DGKD: variants seen among roughly 807,000 people sequenced by gnomAD.
DGKD encodes the protein diacylglycerol kinase delta.
Under a neutral mutation model 154.4 loss-of-function variants are expected in DGKD, and 68 were observed. That is an observed-to-expected ratio of 0.44 (90% confidence interval 0.36 to 0.54). The LOEUF (loss-of-function observed/expected upper bound fraction) is 0.54, where lower values mean the gene tolerates loss of function less well. Among genes scored for constraint, DGKD ranks in the 20% least tolerant of loss-of-function variants. The pLI, the probability that DGKD is intolerant of heterozygous loss-of-function variation, is 0.00. For synonymous variants in DGKD, 693 were observed against 638.0 expected, an observed-to-expected ratio of 1.09 and a Z score of -1.30; for missense variants, 1,343 against 1,593.6, an observed-to-expected ratio of 0.84 and a Z score of 2.68.
intron 3 of DGKD, among the ~76,000 whole-genome samples, chr2:233,416,405 T>C (rs543249425): frequency 6.6e-6 from 1 of 152,318 alleles, no homozygotes; most frequent in South Asian, 2.1e-4. Flanking sequence ...GTGATTGTTC[T>C]GCCTTGGCCA....
chr2:233,401,311 C>T (rs1248706015), intron 3 of DGKD, among the ~76,000 whole-genome samples: 3 of 152,154 alleles, frequency 2.0e-5, no homozygotes, highest in Non-Finnish European at 4.4e-5. Context: ...ACTGATTATT[C>T]AGTGAATGAA....
At chr2:233,367,892 C>T (rs1391286500) in intron 1 of DGKD, among the ~76,000 whole-genome samples, 4 of 138,056 alleles carry the variant, frequency 2.9e-5, no homozygotes, top group Admixed American at 7.6e-5. Context: ...GATCTCCCTA[C>T]GTTAAGCCAG....
rs776362593 is a variant in DGKD, at chr2:233,462,337, T to C, written c.2982-11T>C. ...GGCCTGACATCTGCCCGTGCTTCTCTTCCTCTCTAGTATCCGAGAAATAGC... is the reference window on the plus strand; with the variant it reads ...GGCCTGACATCTGCCCGTGCTTCTCCTCCTCTCTAGTATCCGAGAAATAGC... On this transcript the variant is annotated splice_polypyrimidine_tract_variant and intron_variant, in intron 24 of 29. Transcript: ENST00000264057. 5.0e-6 allele frequency: 8 copies of C among 1,591,108 alleles called. No homozygotes were observed. In the Admixed American group the frequency reaches 1.3e-4, roughly 27 times the overall value.
rs372025702 is a variant in DGKD at position 233,449,073 on chromosome 2, C to G, written c.1615-30C>G. The G allele has an allele frequency of 1.8e-5, 28 of 1,563,546 alleles. No homozygotes were observed. The highest frequency in any genetic ancestry group is 6.7e-5 in the African/African-American group (5 of 74,088). On this transcript the variant is annotated intron_variant, in intron 14 of 29. Coordinates refer to ENST00000264057, the MANE Select transcript of DGKD (RefSeq NM_152879.3). The surrounding 1 kb of genome is among the most constrained non-coding windows in gnomAD (Gnocchi z 5.3). ...TGCAGACCCTGTTCTCCTGCCTCAG[C>G]TCTGCATGCCATTTCCTTTCCTTGT...
intron 6 of DGKD, 41 bp from the exon 7 acceptor site, chr2:233,436,275 C>A (rs761031636): frequency 6.2e-7 from 1 of 1,612,596 alleles, no homozygotes; most frequent in African/African-American, 1.3e-5. Flanking sequence ...GGACGTGGAA[C>A]CTTGGGAGCG....
intron 24 of DGKD, among the ~76,000 whole-genome samples, chr2:233,461,888 A>G (rs748917433): frequency 1.3e-5 from 2 of 152,206 alleles, no homozygotes; most frequent in Non-Finnish European, 2.9e-5. Flanking sequence ...GAGGGCTGCT[A>G]TCTGGGGTCT....
At chr2:233,370,423 C>T (rs993529121) in intron 1 of DGKD, among the ~76,000 whole-genome samples, 5 of 151,712 alleles carry the variant, frequency 3.3e-5, no homozygotes, top group Non-Finnish European at 2.9e-5. Context: ...CATGTTGTGG[C>T]CAGGCTGGTC....
In DGKD at chr2:233,444,087, G is replaced by T. The variant is rs1243038994; in HGVS notation, c.1195-1536G>T. On this transcript the variant is annotated intron_variant, in intron 10 of 29. Coordinates refer to ENST00000264057, the MANE Select transcript of DGKD (RefSeq NM_152879.3). ...TTCTGCTGTCGTCTCTCTCCTGGGG[G>T]CGCCTCAATTGATAGCTGAGCCTTG... is the stretch of plus-strand genomic sequence containing the variant. Among the ~76,000 whole-genome samples the T allele has an allele frequency of 2.6e-5, 4 of 152,060 alleles. No homozygotes were observed. The East Asian group carries it at 5.8e-4, about 22-fold the overall frequency.
chr2:233,356,008 C>T (rs900144164), intron 1 of DGKD, among the ~76,000 whole-genome samples: 16 of 152,206 alleles, frequency 1.1e-4, no homozygotes, highest in Non-Finnish European at 2.4e-4. Flanking sequence ...GCAGTTTCTA[C>T]ACCTAGGGAT....
intron 1 of DGKD, among the ~76,000 whole-genome samples, chr2:233,383,109 C>T (rs56405280): frequency 0.12 from 17,486 of 150,322 alleles, 1,201 homozygotes; most frequent in African/African-American, 0.18. Flanking sequence ...GGCATGATCT[C>T]GGCCCACTGC....
intron 3 of DGKD, among the ~76,000 whole-genome samples, chr2:233,395,483 T>C (rs1436044871): frequency 6.6e-6 from 1 of 152,090 alleles, no homozygotes; most frequent in Non-Finnish European, 1.5e-5. Context: ...CTTTCTTATT[T>C]TAATGGTCTC....
At chr2:233,423,283 TTGCTGGGTCATA>T (rs1289802281) in intron 3 of DGKD, among the ~76,000 whole-genome samples, 33 of 152,194 alleles carry the variant, frequency 2.2e-4, no homozygotes, top group African/African-American at 7.0e-4. Context: ...AAGAGTGTAA[TTGCTGGGTCATA>T]TGCTAGTCAC....
At chr2:233,404,177 A>T (rs938471206) in intron 3 of DGKD, among the ~76,000 whole-genome samples, 7 of 152,120 alleles carry the variant, frequency 4.6e-5, no homozygotes, top group African/African-American at 1.7e-4. Context: ...TTATCATAAG[A>T]TTCCCCATAT....
chr2:233,398,473 C>T (rs1360702862), intron 3 of DGKD, among the ~76,000 whole-genome samples: 1 of 152,000 alleles, frequency 6.6e-6, no homozygotes, highest in Non-Finnish European at 1.5e-5. Flanking sequence ...TAAAAGTTTT[C>T]TGTTTAACAA....
chr2:233,442,265 C>T, intron 10 of DGKD: 1 of 586,530 alleles, frequency 1.7e-6, no homozygotes, highest in East Asian at 3.6e-5. Flanking sequence ...AAAGGACCCA[C>T]ATGGGGAGCA....
rs1453530420 is a variant in DGKD, at chr2:233,435,837, C to T, written c.606C>T (p.His202=). ...LSCEVCKFKA[H]KRCAVRATNN... ...TCACAGTGTGCAAATTTAAGGCCCACAAGCGCTGTGCTGTGCGTGCAACCA... is the reference window on the plus strand; with the variant it reads ...TCACAGTGTGCAAATTTAAGGCCCATAAGCGCTGTGCTGTGCGTGCAACCA... Residue 202 remains histidine, a synonymous_variant, in exon 6 of 30, where the codon CAC becomes CAT. Coordinates refer to ENST00000264057, the MANE Select transcript of DGKD (RefSeq NM_152879.3). 3.7e-6 allele frequency: 6 copies of T among 1,611,766 alleles called. No individual in the cohort carries two copies. The highest frequency in any genetic ancestry group is 5.1e-6 in the Non-Finnish European group (6 of 1,178,868).
At chr2:233,456,780 A>T in intron 19 of DGKD, 119 bp from the exon 20 acceptor site, 1 of 740,762 alleles carries the variant, frequency 1.3e-6, no homozygotes, top group Non-Finnish European at 2.3e-6. Flanking sequence ...TGCTGTAAAT[A>T]ATTGCTAAAT....
chr2:233,359,557 G>A (rs545243211), intron 1 of DGKD, among the ~76,000 whole-genome samples: 1 of 151,242 alleles, frequency 6.6e-6, no homozygotes, highest in African/African-American at 2.4e-5. Context: ...TCCAGCTCAG[G>A]CTGGTCTGAG....
intron 3 of DGKD, among the ~76,000 whole-genome samples, chr2:233,417,996 T>A (rs1302342907): frequency 6.6e-6 from 1 of 152,202 alleles, no homozygotes; most frequent in Admixed American, 6.5e-5. Context: ...AACCCTGATA[T>A]GGACAGATAG....
Sources: gnomAD v4.1 joint callset for allele counts (sites outside exome capture counted in the v4.1 genomes callset) on GRCh38, gnomAD v4.1.1 for gene constraint, Gnocchi (gnomAD v3.1) non-coding constraint, MANE v1.5 for transcripts, NCBI Gene and HGNC (gene_info 2026-07-23, HGNC 2026-07-21) for gene names.